Variants in IQCM observed in about 807,000 individuals in gnomAD.
IQCM encodes the protein IQ motif containing M.
In IQCM, 45 loss-of-function variants were observed where a neutral mutation model predicts 57.6. That is an observed-to-expected ratio of 0.78 (90% CI 0.62 to 1.00). The LOEUF (loss-of-function observed/expected upper bound fraction) is 1.00. Among genes scored for constraint, IQCM ranks in the 50% least tolerant of loss-of-function variants. The pLI, the probability that IQCM is intolerant of heterozygous loss-of-function variation, is 0.00. For missense variants in IQCM, 468 were observed against 511.6 expected (o/e 0.91, Z 0.82); for synonymous variants, 148 against 158.9 (o/e 0.93, Z 0.51).
intron 7 of IQCM, among the ~76,000 whole-genome samples, chr4:149,621,988 T>A (rs1756380573): frequency 6.6e-6 from 1 of 152,188 alleles, no homozygotes. Flanking sequence ...ATCTATGTAG[T>A]CTTTCCTGAA....
At chr4:149,802,020 C>G (rs191208136) in intron 2 of IQCM, among the ~76,000 whole-genome samples, 12 of 148,866 alleles carry the variant, frequency 8.1e-5, no homozygotes, top group Non-Finnish European at 1.3e-4. Flanking sequence ...ATATATATAT[C>G]TACTATGTAG....
rs575275235 is a variant in IQCM at position 149,435,308 on chromosome 4, A to G, written c.1229-1751T>C. On this transcript the variant is annotated intron_variant, in intron 12 of 13. Transcript: ENST00000636793. ...ATATAGTCATGTGCTGCATAACAAC[A>G]TTTCAGTAATGATGGACCAGATACA... Among the ~76,000 whole-genome samples the G allele has an allele frequency of 5.4e-3, 827 of 152,224 alleles. 4 individuals are homozygous for G. Among genetic ancestry groups the G allele is most frequent in the Non-Finnish European group, 8.6e-3 (582 of 67,998 alleles).
In IQCM at chr4:149,627,111, G is replaced by A. The variant is rs571006605; in HGVS notation, c.566-5867C>T. ...CAGCAGTATTTGATACAGCCCTATGGAAAGGAAAGAGTTCTGTGTGGAGGC... is the reference window on the plus strand; with the variant it reads ...CAGCAGTATTTGATACAGCCCTATGAAAAGGAAAGAGTTCTGTGTGGAGGC... On this transcript the variant is annotated intron_variant, in intron 7 of 13. Transcript: ENST00000636793. Among the ~76,000 whole-genome samples, 5 of 152,296 alleles carry A rather than the reference G, an allele frequency of 3.3e-5. 1 individual carries two copies. Among genetic ancestry groups the A allele is most frequent in the Middle Eastern group, 6.8e-3 (2 of 294 alleles).
At chr4:149,616,640 A>G (rs1397119425) in intron 8 of IQCM, among the ~76,000 whole-genome samples, 2 of 152,116 alleles carry the variant, frequency 1.3e-5, no homozygotes, top group Non-Finnish European at 2.9e-5. Context: ...ATTTTAAATT[A>G]TTTTCATTAT....
intron 12 of IQCM, among the ~76,000 whole-genome samples, chr4:149,481,696 G>GTTTTTTTTTTTTTT (rs1197852884): frequency 0.01 from 337 of 33,588 alleles, 10 homozygotes; most frequent in South Asian, 0.024. Context: ...GATTCTTCCA[G>GTTTTTTTTTTTTTT]TTTTGTTTTT....
chr4:149,488,736 A>AT (rs1256067529), intron 12 of IQCM, among the ~76,000 whole-genome samples: 1 of 152,078 alleles, frequency 6.6e-6, no homozygotes, highest in Admixed American at 6.6e-5. Context: ...ATTTGGAACA[A>AT]TTTTTTTAAG....
chr4:149,473,270 T>C (rs1739787753), intron 12 of IQCM, among the ~76,000 whole-genome samples: 1 of 151,960 alleles, frequency 6.6e-6, no homozygotes, highest in Non-Finnish European at 1.5e-5. Context: ...CTTAAACAAA[T>C]TTACAAGAAA....
At chr4:149,578,734 T>G (rs983822722) in intron 9 of IQCM, among the ~76,000 whole-genome samples, 3 of 151,888 alleles carry the variant, frequency 2.0e-5, no homozygotes, top group Non-Finnish European at 4.4e-5. Context: ...TAAAATCAAT[T>G]TCTAATATTA....
chr4:149,524,915 T>G (rs911699901), intron 12 of IQCM, among the ~76,000 whole-genome samples: 8 of 151,626 alleles, frequency 5.3e-5, no homozygotes, highest in Non-Finnish European at 7.4e-5. Flanking sequence ...TTCCTAAAAC[T>G]AATATAAACC....
At chr4:149,507,750 T>C (rs1242935764) in intron 12 of IQCM, among the ~76,000 whole-genome samples, 1 of 152,004 alleles carries the variant, frequency 6.6e-6, no homozygotes, top group South Asian at 2.1e-4. Flanking sequence ...TGAGGAGAAA[T>C]TCAAGCCAGT....
intron 10 of IQCM, among the ~76,000 whole-genome samples, chr4:149,561,886 C>G (rs1414624886): frequency 6.6e-6 from 1 of 152,070 alleles, no homozygotes; most frequent in Non-Finnish European, 1.5e-5. Flanking sequence ...ATCAGCTCTG[C>G]TTGATGGACC....
At chr4:149,558,195 T>C (rs943430333) in intron 10 of IQCM, among the ~76,000 whole-genome samples, 19 of 152,182 alleles carry the variant, frequency 1.2e-4, no homozygotes, top group Non-Finnish European at 2.5e-4. Flanking sequence ...CTTTACTCTA[T>C]ATAGTCTCCC....
chr4:149,578,046 C>G (rs959777359), intron 9 of IQCM, among the ~76,000 whole-genome samples: 6 of 151,706 alleles, frequency 4.0e-5, no homozygotes, highest in Non-Finnish European at 8.8e-5. Flanking sequence ...AATAGAAATA[C>G]TACTGACTTT....
chr4:149,611,200 G>T (rs978581895), intron 8 of IQCM, among the ~76,000 whole-genome samples: 1 of 151,816 alleles, frequency 6.6e-6, no homozygotes, highest in Non-Finnish European at 1.5e-5. Flanking sequence ...AAAAAAAATG[G>T]AATAATGGAT....
intron 13 of IQCM, among the ~76,000 whole-genome samples, chr4:149,405,416 G>T (rs1320171699): frequency 6.6e-6 from 1 of 151,892 alleles, no homozygotes; most frequent in Non-Finnish European, 1.5e-5. Flanking sequence ...TCAGGGGATG[G>T]GGGGCTGGGG....
At chr4:149,677,559 GACA>G (rs376954190) in intron 7 of IQCM, among the ~76,000 whole-genome samples, 16 of 152,026 alleles carry the variant, frequency 1.1e-4, no homozygotes, top group African/African-American at 3.6e-4. Flanking sequence ...AGACAGAGAA[GACA>G]ACAATAAATA....
chr4:149,363,008 C>T (rs914923915), intron 13 of IQCM, among the ~76,000 whole-genome samples: 1 of 152,192 alleles, frequency 6.6e-6, no homozygotes, highest in South Asian at 2.1e-4. Context: ...TTCTTCCTCA[C>T]CTTTTCATAC....
At chr4:149,726,071 A>AAAAG (rs529190046) in intron 5 of IQCM, among the ~76,000 whole-genome samples, 12,976 of 94,618 alleles carry the variant, frequency 0.14, 1,795 homozygotes, top group East Asian at 0.2. Flanking sequence ...TCTTCCCTCT[A>AAAAG]AAAGAAAGAA....
At chr4:149,754,707 C>G (rs549100155) in intron 2 of IQCM, among the ~76,000 whole-genome samples, 62 of 152,326 alleles carry the variant, frequency 4.1e-4, no homozygotes, top group African/African-American at 1.3e-3. Context: ...CTCCTCATCT[C>G]ACTGACCTCA....
Sources: gnomAD v4.1 joint callset for allele counts (sites outside exome capture counted in the v4.1 genomes callset) on GRCh38, gnomAD v4.1.1 for gene constraint, MANE v1.5 for transcripts, NCBI Gene and HGNC (gene_info 2026-07-23, HGNC 2026-07-21) for gene names.